IGSF11: variants seen among roughly 807,000 people sequenced by gnomAD.
IGSF11 encodes the protein immunoglobulin superfamily member 11.
In IGSF11, 22 loss-of-function variants were observed where a neutral mutation model predicts 41.0. The ratio of observed to expected loss-of-function variants is 0.54; its 90% CI spans 0.38 to 0.77. The LOEUF (loss-of-function observed/expected upper bound fraction) is 0.77. Ranked by LOEUF, IGSF11 falls within the 30% of genes least tolerant of loss-of-function variation. The pLI, the probability that IGSF11 is intolerant of heterozygous loss-of-function variation, is 0.00. For missense variants in IGSF11, 444 were observed against 530.8 expected, an observed-to-expected ratio of 0.84 and a Z score of 1.61; for synonymous variants, 219 against 201.3, an observed-to-expected ratio of 1.09 and a Z score of -0.74.
At chr3:119,003,073 A>C (rs1364297504) in intron 1 of IGSF11, among the ~76,000 whole-genome samples, 1 of 102,032 alleles carries the variant, frequency 9.8e-6, no homozygotes, top group African/African-American at 4.5e-5. Context: ...CAGTATGGCC[A>C]TTTTCACGAT....
At chr3:118,916,896 T>C (rs1449744044) in intron 4 of IGSF11, among the ~76,000 whole-genome samples, 2 of 151,888 alleles carry the variant, frequency 1.3e-5, no homozygotes, top group Non-Finnish European at 2.9e-5. Flanking sequence ...ACAGAAATTA[T>C]AACAAACTGT....
intron 1 of IGSF11, among the ~76,000 whole-genome samples, chr3:119,067,691 A>G (rs1426648352): frequency 1.3e-5 from 2 of 151,980 alleles, no homozygotes; most frequent in African/African-American, 4.8e-5. Context: ...TTCCATTCTA[A>G]CCCTGAATGA....
At chr3:119,145,950 C>G in exon 1 of IGSF11, 2 of 469,208 alleles carry the variant, frequency 4.3e-6, no homozygotes, top group Non-Finnish European at 3.8e-6. Context: ...CTGCCAGAGC[C>G]TGAGAATCGC....
rs1454467704 is a variant in IGSF11, at chr3:119,034,654, T to A, written c.-72A>T. ...GCAACAGGAGAGGAGCGGGCGTGAG[T>A]CTCCGCGCTCTTGGGGCAGCCTGGT... On this transcript the variant is annotated 5_prime_UTR_variant, in exon 1 of 7. Transcript: ENST00000393775. The A allele has an allele frequency of 6.1e-6, 9 of 1,478,058 alleles. No individual in the cohort carries two copies. The East Asian group carries it at 1.6e-4, about 26-fold the overall frequency. 91.6% of individuals were successfully genotyped at this position (1,478,058 alleles called of 1,614,324 possible). A position where few individuals can be genotyped will look rare whatever the true frequency, so the allele number is the denominator to read the frequency against.
At chr3:119,099,688 T>C (rs2076911292) in intron 1 of IGSF11, among the ~76,000 whole-genome samples, 1 of 152,222 alleles carries the variant, frequency 6.6e-6, no homozygotes, top group African/African-American at 2.4e-5. Context: ...ACACAAGGGC[T>C]GGTTAGAAAT....
chr3:119,096,106 G>T (rs2076845507), intron 1 of IGSF11, among the ~76,000 whole-genome samples: 2 of 151,866 alleles, frequency 1.3e-5, no homozygotes, highest in African/African-American at 4.8e-5. Context: ...ACAGTGTTTA[G>T]TACTTAGTAG....
At chr3:119,029,269 CACA>C (rs1197018937) in intron 1 of IGSF11, among the ~76,000 whole-genome samples, 89 of 148,804 alleles carry the variant, frequency 6.0e-4, no homozygotes, top group Admixed American at 1.8e-3. Context: ...CACACACACA[CACA>C]CACCCGAGAG....
upstream of IGSF11, among the ~76,000 whole-genome samples, chr3:119,109,425 C>T (rs1438189554): frequency 5.3e-5 from 8 of 152,128 alleles, no homozygotes; most frequent in Non-Finnish European, 5.9e-5. Context: ...TCTGAGGGAT[C>T]GGTGGTGATA....
At chr3:119,033,229 T>C (rs1421127152) in intron 1 of IGSF11, among the ~76,000 whole-genome samples, 1 of 152,228 alleles carries the variant, frequency 6.6e-6, no homozygotes, top group Admixed American at 6.5e-5. Context: ...ATTTGAGCTG[T>C]TCTTGTAATA....
At chr3:118,937,138 T>C (rs1296186612) in intron 1 of IGSF11, among the ~76,000 whole-genome samples, 2 of 152,208 alleles carry the variant, frequency 1.3e-5, no homozygotes, top group Non-Finnish European at 2.9e-5. Context: ...AAGACCTTTA[T>C]GGCACTTTGG....
At chr3:119,128,188 A>G (rs1559882725) in intron 1 of IGSF11, among the ~76,000 whole-genome samples, 1 of 152,064 alleles carries the variant, frequency 6.6e-6, no homozygotes, top group Non-Finnish European at 1.5e-5. Context: ...GTGAAAATCT[A>G]TATCTATTAA....
intron 1 of IGSF11, among the ~76,000 whole-genome samples, chr3:118,932,404 C>T (rs574184945): frequency 6.6e-6 from 1 of 152,156 alleles, no homozygotes; most frequent in Admixed American, 6.5e-5. Context: ...ATGCATAACA[C>T]CTTCCCTGTA....
chr3:119,126,793 T>C (rs1288748446), intron 1 of IGSF11, among the ~76,000 whole-genome samples: 1 of 151,516 alleles, frequency 6.6e-6, no homozygotes, highest in Non-Finnish European at 1.5e-5. Flanking sequence ...GACCTGACTA[T>C]TGAAAGAAAA....
At chr3:119,080,152 A>G (rs938127902) in intron 1 of IGSF11, among the ~76,000 whole-genome samples, 1 of 152,214 alleles carries the variant, frequency 6.6e-6, no homozygotes, top group South Asian at 2.1e-4. Context: ...CTTAAATCAT[A>G]TTTATAATTT....
intron 1 of IGSF11, among the ~76,000 whole-genome samples, chr3:118,958,899 G>A (rs1001574395): frequency 1.3e-5 from 2 of 152,148 alleles, no homozygotes; most frequent in Non-Finnish European, 2.9e-5. Flanking sequence ...TGGAGAATAC[G>A]AAAGCAGCAA....
intron 1 of IGSF11, among the ~76,000 whole-genome samples, chr3:119,058,790 A>T (rs1029678409): frequency 2.8e-5 from 4 of 140,982 alleles, no homozygotes; most frequent in African/African-American, 1.1e-4. Flanking sequence ...AATACTATGC[A>T]GCCATAAAAA....
intron 1 of IGSF11, among the ~76,000 whole-genome samples, chr3:119,009,816 T>G (rs1423406534): frequency 6.6e-6 from 1 of 152,178 alleles, no homozygotes; most frequent in African/African-American, 2.4e-5. Context: ...TACTTTCAAC[T>G]ACCATACAAA....
intron 1 of IGSF11, among the ~76,000 whole-genome samples, chr3:118,938,948 C>T (rs1193115480): frequency 6.6e-6 from 1 of 152,122 alleles, no homozygotes; most frequent in African/African-American, 2.4e-5. Flanking sequence ...GAAACACTGA[C>T]AGAATTAAAA....
intron 1 of IGSF11, among the ~76,000 whole-genome samples, chr3:119,085,537 A>T (rs1156670261): frequency 6.6e-6 from 1 of 152,202 alleles, no homozygotes; most frequent in African/African-American, 2.4e-5. Context: ...TTCTTAACCA[A>T]TCTGAAATGT....
Sources: allele counts gnomAD v4.1 joint callset (sites outside exome capture counted in the v4.1 genomes callset), GRCh38; gene constraint gnomAD v4.1.1; transcripts MANE v1.5; gene names NCBI Gene and HGNC (gene_info 2026-07-23, HGNC 2026-07-21).